OTOGL: variants seen among roughly 807,000 people sequenced by gnomAD.
The protein encoded by OTOGL is otogelin like, also known as otogelin-like protein.
OTOGL carries 285 observed loss-of-function variants against 318.5 expected under a neutral mutation model. The observed-to-expected ratio is 0.89, with a 90% confidence interval of 0.81 to 0.99. The LOEUF is 0.99. OTOGL is among the 50% of genes least tolerant of loss of function. OTOGL has a pLI of 0.00. For missense variants in OTOGL, 2,899 were observed against 2,845.6 expected (o/e 1.02, Z -0.43); for synonymous variants, 987 against 936.5 (o/e 1.05, Z -0.99).
At chr12:80,171,105 C>A (rs930603906) in intron 1 of OTOGL, among the ~76,000 whole-genome samples, 2 of 152,240 alleles carry the variant, frequency 1.3e-5, no homozygotes, top group Admixed American at 1.3e-4. Context: ...GTCAGAATCT[C>A]ATCCTGTTGC....
chr12:80,299,495 G>A (rs1885616067), intron 27 of OTOGL, among the ~76,000 whole-genome samples: 1 of 150,968 alleles, frequency 6.6e-6, no homozygotes, highest in Non-Finnish European at 1.5e-5. Flanking sequence ...ATTAAGAAAA[G>A]TCATAAAAAT....
intron 28 of OTOGL, among the ~76,000 whole-genome samples, chr12:80,303,252 T>G (rs2137740984): frequency 6.6e-6 from 1 of 152,140 alleles, no homozygotes; most frequent in African/African-American, 2.4e-5. Flanking sequence ...GCCTCCCGGG[T>G]TCACGCCATT....
chr12:80,197,904 A>G (rs1876190427), intron 1 of OTOGL, among the ~76,000 whole-genome samples: 1 of 152,118 alleles, frequency 6.6e-6, no homozygotes, highest in Admixed American at 6.5e-5. Flanking sequence ...TCCTCTTAAT[A>G]TGTACAAGGG....
At chr12:80,349,572 A>G (rs1054719021) in intron 44 of OTOGL, among the ~76,000 whole-genome samples, 3 of 152,136 alleles carry the variant, frequency 2.0e-5, no homozygotes, top group Non-Finnish European at 4.4e-5. Context: ...GTTCAAGGAG[A>G]GAACATTTTA....
chr12:80,135,708 C>A (rs1871524100), intron 1 of OTOGL, among the ~76,000 whole-genome samples: 1 of 152,200 alleles, frequency 6.6e-6, no homozygotes, highest in African/African-American at 2.4e-5. Flanking sequence ...CATGGGATAT[C>A]TAGATAACTG....
chr12:80,259,303 A>T (rs185824714), intron 18 of OTOGL, among the ~76,000 whole-genome samples: 1 of 151,562 alleles, frequency 6.6e-6, no homozygotes, highest in Non-Finnish European at 1.5e-5. Flanking sequence ...GGGACATTTC[A>T]TGGAGAAGCT....
intron 24 of OTOGL, among the ~76,000 whole-genome samples, chr12:80,274,373 A>G (rs1883638018): frequency 6.6e-6 from 1 of 152,048 alleles, no homozygotes; most frequent in South Asian, 2.1e-4. Flanking sequence ...CAGCTGCAAC[A>G]TTCACTTCTG....
chr12:80,104,672 T>C (rs1869348670), intron 1 of OTOGL, among the ~76,000 whole-genome samples: 1 of 152,134 alleles, frequency 6.6e-6, no homozygotes, highest in African/African-American at 2.4e-5. Flanking sequence ...GGGCACAGTT[T>C]AAGTGCAAGG....
intron 1 of OTOGL, among the ~76,000 whole-genome samples, chr12:80,125,379 G>C (rs1030666199): frequency 2.0e-5 from 3 of 152,160 alleles, no homozygotes; most frequent in Non-Finnish European, 4.4e-5. Context: ...TGCATCCCAG[G>C]GATGAAGCCC....
At chr12:80,211,881 C>T in intron 3 of OTOGL, 68 bp from the exon 4 acceptor site, 1 of 1,292,180 alleles carries the variant, frequency 7.7e-7, no homozygotes, top group Non-Finnish European at 1.1e-6. Flanking sequence ...CCAGCTCTCT[C>T]TTGGGAAAGG....
At chr12:80,128,072 G>T (rs957390803) in intron 1 of OTOGL, among the ~76,000 whole-genome samples, 1 of 152,178 alleles carries the variant, frequency 6.6e-6, no homozygotes, top group African/African-American at 2.4e-5. Context: ...GCTTTGTTCC[G>T]TTGCTGGTGA....
chr12:80,368,264 A>T lies in OTOGL; in HGVS notation c.6570A>T (p.Val2190=). The stretch of plus-strand genomic sequence containing the variant: ...GTTGTTGTGGTACCTGCAAAAATGT[A>T]TCCTGCAAATTTCACATGGAAAATG... ...DYGCCGTCKN[V]SCKFHMENGT... is the part of the protein sequence containing the mutation. Residue 2190 remains valine (V), a synonymous_variant, in exon 55 of 59, where the codon GTA becomes GTT. Coordinates refer to ENST00000547103, the MANE Select transcript of OTOGL (RefSeq NM_001378609.3). The T allele has an allele frequency of 6.2e-7, 1 of 1,602,770 alleles. No individual in the cohort carries two copies. The highest frequency in any genetic ancestry group is 2.2e-5 in the East Asian group (1 of 44,590).
intron 1 of OTOGL, among the ~76,000 whole-genome samples, chr12:80,154,516 C>G (rs1481200412): frequency 1.3e-5 from 2 of 152,072 alleles, no homozygotes; most frequent in Admixed American, 6.5e-5. Context: ...TAAAACCTCC[C>G]CTTTGCACTC....
At chr12:80,279,714 A>G (rs1884077415) in intron 26 of OTOGL, among the ~76,000 whole-genome samples, 1 of 151,662 alleles carries the variant, frequency 6.6e-6, no homozygotes, top group Non-Finnish European at 1.5e-5. Flanking sequence ...GGTTGATTCC[A>G]TGTCTTTGCT....
rs765412688 is a variant in OTOGL, at chr12:80,217,621, C to A, written c.192C>A (p.Tyr64Ter). 1.9e-6 allele frequency: 3 copies of A among 1,552,528 alleles called. No homozygotes were observed. The highest frequency in any genetic ancestry group is 2.6e-6 in the Non-Finnish European group (3 of 1,147,024). The change falls in exon 5 of 59, where the codon TAC becomes TAA. Residue 64 changes from tyrosine to a stop codon, truncating the protein, a stop_gained. Coordinates refer to ENST00000547103, the MANE Select transcript of OTOGL (RefSeq NM_001378609.3). LOFTEE classifies it high-confidence loss of function. Reference sequence around the variant, plus strand: ...AGTTTGAAGCTACTTCTCCGAGATACTTTTTCCATGATGCTATTAATTGGG... The same window carrying A: ...AGTTTGAAGCTACTTCTCCGAGATAATTTTTCCATGATGCTATTAATTGGG... ...AAQFEATSPR[Y>*]FFHDAINWGE...
rs770939557 is a variant in OTOGL at position 80,252,164 on chromosome 12, C to T, written c.1248C>T (p.Ser416=). ...TCTFEKQCLG[S]NLHCLDGCYC... Reference sequence around the variant, plus strand: ...CATTTGAGAAGCAATGTCTTGGGAGCAATCTCCATTGTCTTGATGGATGTT... The same window carrying T: ...CATTTGAGAAGCAATGTCTTGGGAGTAATCTCCATTGTCTTGATGGATGTT... The change falls in exon 13 of 59, where the codon AGC becomes AGT. Residue 416 remains serine (S), a synonymous_variant. Coordinates refer to ENST00000547103, the MANE Select transcript of OTOGL (RefSeq NM_001378609.3). 5.6e-6 allele frequency: 9 copies of T among 1,593,956 alleles called. No homozygotes were observed. Among genetic ancestry groups the T allele is most frequent in the Non-Finnish European group, 4.3e-6 (5 of 1,168,946 alleles).
chr12:80,179,986 A>T (rs1161394440), intron 1 of OTOGL, among the ~76,000 whole-genome samples: 1 of 152,244 alleles, frequency 6.6e-6, no homozygotes, highest in Non-Finnish European at 1.5e-5. Context: ...AAGCCACTGT[A>T]TCCTGCAGGT....
intron 42 of OTOGL, among the ~76,000 whole-genome samples, chr12:80,338,096 A>G (rs968896884): frequency 1.3e-5 from 2 of 152,116 alleles, no homozygotes; most frequent in Non-Finnish European, 2.9e-5. Flanking sequence ...AGAGTTTAAC[A>G]TGATAAAACA....
chr12:80,246,173 G>A (rs914828977), intron 11 of OTOGL, among the ~76,000 whole-genome samples: 1 of 150,550 alleles, frequency 6.6e-6, no homozygotes, highest in Admixed American at 6.6e-5. Context: ...CTGCCTGATT[G>A]CCCTGGCCAG....
Sources: gnomAD v4.1 joint callset for allele counts (sites outside exome capture counted in the v4.1 genomes callset) on GRCh38, gnomAD v4.1.1 for gene constraint, MANE v1.5 for transcripts, NCBI Gene and HGNC (gene_info 2026-07-23, HGNC 2026-07-21) for gene names.